TPRA1: variants seen among roughly 807,000 people sequenced by gnomAD.
TPRA1 encodes transmembrane protein adipocyte-associated 1.
In TPRA1, 28 loss-of-function variants were observed where a neutral mutation model predicts 40.1. The ratio of observed to expected loss-of-function variants is 0.70; its 90% CI spans 0.52 to 0.96. The LOEUF is 0.96. Among genes scored for constraint, TPRA1 ranks in the 40% least tolerant of loss-of-function variants. TPRA1 has a pLI of 0.00. For missense variants in TPRA1, 441 were observed against 482.6 expected (o/e 0.91, Z 0.81); for synonymous variants, 219 against 209.7 (o/e 1.04, Z -0.38).
rs944361027 is a variant in TPRA1 at position 127,571,378 on chromosome 3, A to G, written c.*2143T>C. The G allele has an allele frequency of 3.3e-5, 5 of 152,252 alleles. No homozygotes were observed. The highest frequency in any genetic ancestry group is 6.5e-5 in the Admixed American group (1 of 15,288). The allele number at this position is 152,252 out of a possible 1,614,324, so 9.4% of individuals were successfully genotyped here. ...AACTATTGATCTCTGCAGAAGACTAATAAGAGTAATTAAAACTAATTAAGA... is the reference window on the plus strand; with the variant it reads ...AACTATTGATCTCTGCAGAAGACTAGTAAGAGTAATTAAAACTAATTAAGA... On this transcript the variant is annotated 3_prime_UTR_variant, in exon 11 of 11. Coordinates refer to ENST00000355552, the MANE Select transcript of TPRA1 (RefSeq NM_001136053.4).
chr3:127,594,018 A>G (rs1231809099), upstream of TPRA1, among the ~76,000 whole-genome samples: 1 of 152,246 alleles, frequency 6.6e-6, no homozygotes, highest in African/African-American at 2.4e-5. Context: ...CATGGTGTCA[A>G]TGACAATGTG....
intron 1 of TPRA1, among the ~76,000 whole-genome samples, chr3:127,596,208 T>C (rs1044582585): frequency 3.9e-5 from 6 of 151,942 alleles, no homozygotes; most frequent in African/African-American, 1.5e-4. Flanking sequence ...GCCTCCTGAG[T>C]AGTTGGGATT....
At chr3:127,594,081 A>G (rs1420025943), upstream of TPRA1, among the ~76,000 whole-genome samples, 1 of 152,210 alleles carries the variant, frequency 6.6e-6, no homozygotes, top group Non-Finnish European at 1.5e-5. Flanking sequence ...ACTTGATGAG[A>G]CATATGTGCT....
chr3:127,573,326 G>A lies in TPRA1; in HGVS notation c.*195C>T, dbSNP rs2073435143. 1.6e-6 allele frequency: 1 copy of A among 643,784 alleles called. No homozygotes were observed. Among genetic ancestry groups the A allele is most frequent in the Non-Finnish European group, 2.6e-6 (1 of 389,794 alleles). The allele number at this position is 643,784 out of a possible 1,614,324, so 39.9% of individuals were successfully genotyped here. A position where few individuals can be genotyped will look rare whatever the true frequency, so the allele number is the denominator to read the frequency against. On this transcript the variant is annotated 3_prime_UTR_variant, in exon 11 of 11. Coordinates refer to ENST00000355552, the MANE Select transcript of TPRA1 (RefSeq NM_001136053.4). ...GAGAGCAGGTGGGAAGGGGAGGAGG[G>A]TCCCCAGTGAGAGCAGAGATGGCAA... is the stretch of plus-strand genomic sequence containing the variant.
chr3:127,578,636 G>A (rs2073725523), intron 3 of TPRA1, among the ~76,000 whole-genome samples: 3 of 152,252 alleles, frequency 2.0e-5, no homozygotes, highest in African/African-American at 7.2e-5. Context: ...GAGAGAAGCA[G>A]TGGGAGAGAA....
At position 127,573,719 on chromosome 3, in the gene TPRA1, T is replaced by C. The variant is rs755130420; in HGVS notation, c.924A>G (p.Leu308=). 1.9e-6 allele frequency: 3 copies of C among 1,611,464 alleles called. No individual in the cohort carries two copies. In the South Asian group the frequency reaches 3.3e-5, roughly 18 times the overall value. The change falls in exon 11 of 11, where the codon CTA becomes CTG. Residue 308 remains leucine (L), a synonymous_variant. Coordinates refer to ENST00000355552, the MANE Select transcript of TPRA1 (RefSeq NM_001136053.4). ...GCCGGGCCACAGCGTAGGGCTGGGG[T>C]AGGTGTACATCTGGCTCCTCTGTCT... ...VDETEEPDVH[L]PQPYAVARRE...
At chr3:127,580,220 C>G (rs1254109109) in intron 1 of TPRA1, 57 bp from the exon 2 acceptor site, 1 of 1,557,200 alleles carries the variant, frequency 6.4e-7, no homozygotes, top group Non-Finnish European at 8.6e-7. Flanking sequence ...GTCCTCCTTC[C>G]CCTGGACCTG....
At position 127,585,910 on chromosome 3, in the gene TPRA1, G is replaced by A. The variant is rs543390661; in HGVS notation, c.-18+4500C>T. ...CTAGTTTGACATGGCAACTGCTAGGGAATGGAGGACTGTGGATTTTTTTGT... is the reference window on the plus strand; with the variant it reads ...CTAGTTTGACATGGCAACTGCTAGGAAATGGAGGACTGTGGATTTTTTTGT... On this transcript the variant is annotated intron_variant, in intron 1 of 10. Coordinates refer to ENST00000355552, the MANE Select transcript of TPRA1 (RefSeq NM_001136053.4). 3.9e-5 allele frequency among the ~76,000 whole-genome samples: 6 copies of A among 152,336 alleles called. No individual in the cohort carries two copies. The South Asian group carries it at 1.0e-3, about 26-fold the overall frequency.
At chr3:127,575,293 C>G in intron 9 of TPRA1, 28 bp from the exon 10 acceptor site, 1 of 1,607,860 alleles carries the variant, frequency 6.2e-7, no homozygotes, top group African/African-American at 1.3e-5. Flanking sequence ...CAGCGCGGGG[C>G]CTCCTAGCCC....
At position 127,579,798 on chromosome 3, in the gene TPRA1, G is replaced by A. The variant is rs149024589; in HGVS notation, c.200C>T (p.Ser67Phe). 2,763 of 1,614,156 alleles carry A rather than the reference G, an allele frequency of 1.7e-3. 3 individuals carry two copies. Among genetic ancestry groups the A allele is most frequent in the Non-Finnish European group, 2.3e-3 (2,665 of 1,180,022 alleles). ...FLIFLLWKLP[S>F]ARAKIRITSS... ...GGTGATGCGGATCTTCGCCCGAGCA[G>A]ATGGAAGCTTCCAGAGCAGGAAGAT... Residue 67 changes from serine (S) to phenylalanine (F), a missense_variant, in exon 3 of 11, where the codon TCT (serine) becomes TTT (phenylalanine). Physicochemically the swap from Ser to Phe is radical, Grantham distance 155 (BLOSUM62 -2). Coordinates refer to ENST00000355552, the MANE Select transcript of TPRA1 (RefSeq NM_001136053.4).
intron 1 of TPRA1, among the ~76,000 whole-genome samples, chr3:127,582,295 G>A (rs1018276169): frequency 6.6e-6 from 1 of 152,184 alleles, no homozygotes; most frequent in Non-Finnish European, 1.5e-5. Context: ...GCAGGGTGTA[G>A]TGACTCACAC....
chr3:127,588,858 G>A, intron 1 of TPRA1, among the ~76,000 whole-genome samples: 1 of 152,088 alleles, frequency 6.6e-6, no homozygotes. Context: ...TTATACAGAG[G>A]AGAGGAGAGG....
rs1417877428 is a variant in TPRA1 at position 127,573,589 on chromosome 3, A to G, written c.1054T>C (p.Ser352Pro). 6.2e-7 allele frequency: 1 copy of G among 1,613,046 alleles called. No homozygotes were observed. The highest frequency in any genetic ancestry group is 1.3e-5 in the African/African-American group (1 of 74,940). Residue 352 changes from serine (S) to proline (P), a missense_variant, in exon 11 of 11, where the codon TCC (serine) becomes CCC (proline). Ser to Pro is a moderately conservative substitution (Grantham distance 74). Coordinates refer to ENST00000355552, the MANE Select transcript of TPRA1 (RefSeq NM_001136053.4). ...GGVAYLDDIASMPCHTGSINS... is the reference protein window; with the variant it reads ...GGVAYLDDIAPMPCHTGSINS... ...ATGCTGCCAGTGTGGCAGGGCATGG[A>G]AGCGATGTCATCCAGGTAGGCCACC...
In TPRA1 at chr3:127,575,961, G is replaced by A. The variant is rs771851087; in HGVS notation, c.588C>T (p.Val196=). 3 of 1,613,888 alleles carry A rather than the reference G, an allele frequency of 1.9e-6. No individual in the cohort carries two copies. The highest frequency in any genetic ancestry group is 1.3e-5 in the African/African-American group (1 of 74,938). ...TCACCAGGAAGAAGAAGCAGGAGCT[G>A]ACCAGCCAGAACTGGCGGCCCCCAT... ...YGHGGRQFWL[V]SSCFFFLVYS... is the part of the protein sequence containing the mutation. Residue 196 remains valine, a synonymous_variant, in exon 7 of 11, where the codon GTC becomes GTT. Coordinates refer to ENST00000355552, the MANE Select transcript of TPRA1 (RefSeq NM_001136053.4).
chr3:127,594,867 A>T (rs1386646717), upstream of TPRA1: 1 of 152,432 alleles, frequency 6.6e-6, no homozygotes, highest in African/African-American at 2.4e-5. Flanking sequence ...GTGGAACCAG[A>T]ATGGGGAGGA....
Position 127,579,816 on chromosome 3 carries a change from AG to A in TPRA1, c.181del (p.Leu61CysfsTer42). ...LIPNVLFLIFLLWKLPSARAK... is the reference protein window; with the variant it reads ...LIPNVLFLIFXLWKLPSARAK... ...CCGAGCAGATGGAAGCTTCCAGAGC[AG>A]GAAGATGAGGAAGAGCACATTGGGG... is the stretch of plus-strand genomic sequence containing the variant. On this transcript the variant is annotated frameshift_variant, in exon 3 of 11. Transcript: ENST00000355552. LOFTEE classifies it high-confidence loss of function. The A allele has an allele frequency of 1.2e-6, 2 of 1,614,124 alleles. No homozygotes were observed. Among genetic ancestry groups the A allele is most frequent in the Non-Finnish European group, 1.7e-6 (2 of 1,180,026 alleles).
intron 8 of TPRA1, 42 bp from the exon 9 acceptor site, chr3:127,575,547 C>A: frequency 4.0e-6 from 6 of 1,502,684 alleles, no homozygotes; most frequent in Non-Finnish European, 4.4e-6. Flanking sequence ...CCACCCTGGA[C>A]AGGCCAGGCT....
upstream of TPRA1, among the ~76,000 whole-genome samples, chr3:127,592,632 G>A (rs2074198500): frequency 6.6e-6 from 1 of 151,914 alleles, no homozygotes; most frequent in Non-Finnish European, 1.5e-5. Context: ...TGATCCACCC[G>A]CCTCGGCCTC....
chr3:127,589,745 T>G (rs2074111442), intron 1 of TPRA1, among the ~76,000 whole-genome samples: 1 of 151,786 alleles, frequency 6.6e-6, no homozygotes, highest in Non-Finnish European at 1.5e-5. Flanking sequence ...CGCGTCTGGG[T>G]ATTTACTACT....
Sources: gnomAD v4.1 joint callset for allele counts (sites outside exome capture counted in the v4.1 genomes callset) on GRCh38, gnomAD v4.1.1 for gene constraint, MANE v1.5 for transcripts, NCBI Gene and HGNC (gene_info 2026-07-23, HGNC 2026-07-21) for gene names.